EARS2: variants seen among roughly 807,000 people sequenced by gnomAD.
The protein encoded by EARS2 is glutamyl-tRNA synthetase 2, mitochondrial.
Under a neutral mutation model 54.1 loss-of-function variants are expected in EARS2, and 50 were observed. The observed-to-expected ratio is 0.92, with a 90% confidence interval of 0.74 to 1.17. The LOEUF (loss-of-function observed/expected upper bound fraction) is 1.17, where lower values mean the gene tolerates loss of function less well. Among genes scored for constraint, EARS2 ranks in the 50% most tolerant of loss-of-function variants. EARS2 has a pLI of 0.00. For synonymous variants in EARS2, 298 were observed against 281.0 expected (o/e 1.06, Z -0.61); for missense variants, 673 against 675.0 (o/e 1.00, Z 0.03).
chr16:23,557,064 C>T, intron 1 of EARS2, 141 bp downstream of exon 1: 1 of 1,301,992 alleles, frequency 7.7e-7, no homozygotes, highest in Non-Finnish European at 1.0e-6. Flanking sequence ...GTTTCCGCCT[C>T]TGTAAAATGG....
At chr16:23,540,987 T>A (rs2142179577) in intron 3 of EARS2, among the ~76,000 whole-genome samples, 1 of 151,130 alleles carries the variant, frequency 6.6e-6, no homozygotes, top group Admixed American at 6.6e-5. Flanking sequence ...CAAGACTCCG[T>A]CTCCAAAAAA....
rs1485709946 is a variant in EARS2, at chr16:23,524,305, C to G, written c.*66G>C. ...GACGGGCCCCAGGCCTCCTTCTGGT[C>G]TCTGAAAGCTGTTTCTAAGCTCACA... On this transcript the variant is annotated 3_prime_UTR_variant, in exon 9 of 9. Transcript: ENST00000449606. 1.3e-5 allele frequency: 18 copies of G among 1,437,540 alleles called. No individual in the cohort carries two copies. In the Admixed American group the frequency reaches 3.0e-4, roughly 24 times the overall value. The allele number at this position is 1,437,540 out of a possible 1,614,324, so 89.0% of individuals were successfully genotyped here.
Position 23,556,997 on chromosome 16 carries a change from G to A in EARS2, c.139+208C>T, listed in dbSNP as rs1403210973. On this transcript the variant is annotated intron_variant, in intron 1 of 8. Coordinates refer to ENST00000449606, the MANE Select transcript of EARS2 (RefSeq NM_001083614.2). ...AAAAAAGATCGAAAGAGATGGGATGGCACAAAAAACACAAGAAACTCCTGG... is the reference window on the plus strand; with the variant it reads ...AAAAAAGATCGAAAGAGATGGGATGACACAAAAAACACAAGAAACTCCTGG... 68 of 773,716 alleles carry A rather than the reference G, an allele frequency of 8.8e-5. 1 individual carries two copies. Among genetic ancestry groups the A allele is most frequent in the Non-Finnish European group, 8.7e-5 (40 of 460,886 alleles). 47.9% of individuals were successfully genotyped at this position (773,716 alleles called of 1,614,324 possible). A position where few individuals can be genotyped will look rare whatever the true frequency, so the allele number is the denominator to read the frequency against.
chr16:23,522,270 T>C lies in EARS2; in HGVS notation c.*2101A>G, dbSNP rs1370144499. On this transcript the variant is annotated 3_prime_UTR_variant, in exon 9 of 9. Transcript: ENST00000449606. ...AAACTACCTATTACTGGCCAAGGAA[T>C]GGTAGCAGGACCTCAGATAGCCCAA... 6.1e-6 allele frequency: 1 copy of C among 164,144 alleles called. No homozygotes were observed. The highest frequency in any genetic ancestry group is 1.3e-5 in the Non-Finnish European group (1 of 74,448). The allele number at this position is 164,144 out of a possible 1,614,324, so 10.2% of individuals were successfully genotyped here.
At chr16:23,524,745 C>G (rs1965196536) in intron 8 of EARS2, among the ~76,000 whole-genome samples, 1 of 150,844 alleles carries the variant, frequency 6.6e-6, no homozygotes, top group South Asian at 2.1e-4. Flanking sequence ...CTCCCAGGTT[C>G]AGGCAATTCT....
Position 23,524,428 on chromosome 16 carries a change from C to A in EARS2, c.1515G>T (p.Met505Ile). Reference sequence around the variant, plus strand: ...GTACTTCCTTTGGTCCCAAGGCCAACATCATCTCAGCTACAGGAGGTCCTT... The same window carrying A: ...GTACTTCCTTTGGTCCCAAGGCCAAAATCATCTCAGCTACAGGAGGTCCTT... ...QQQGPPVAEM[M>I]LALGPKEVRE... Residue 505 changes from methionine (M) to isoleucine (I), a missense_variant, in exon 9 of 9, where the codon ATG (methionine) becomes ATT (isoleucine). Met to Ile is a conservative substitution (Grantham distance 10). Coordinates refer to ENST00000449606, the MANE Select transcript of EARS2 (RefSeq NM_001083614.2). 6.2e-7 allele frequency: 1 copy of A among 1,614,178 alleles called. No homozygotes were observed. Among genetic ancestry groups the A allele is most frequent in the Non-Finnish European group, 8.5e-7 (1 of 1,180,032 alleles).
chr16:23,557,074 G>C (rs931752500), intron 1 of EARS2, 131 bp downstream of exon 1: 3 of 1,351,324 alleles, frequency 2.2e-6, no homozygotes, highest in Non-Finnish European at 2.0e-6. Flanking sequence ...CTGTAAAATG[G>C]GCTCGCGCTG....
In EARS2 at chr16:23,557,236, C is replaced by G. The variant is rs903254158; in HGVS notation, c.108G>C (p.Ala36=). Residue 36 remains alanine, a synonymous_variant, in exon 1 of 9, where the codon GCG becomes GCC. Coordinates refer to ENST00000449606, the MANE Select transcript of EARS2 (RefSeq NM_001083614.2). ...EANLGTDAGV[A]VRVRFAPSPT... ...GGCTGGGAGCGAACCGCACTCGCAC[C>G]GCAACCCCGGCATCAGTGCCCAGGT... 1.3e-6 allele frequency: 2 copies of G among 1,519,874 alleles called. No homozygotes were observed. The highest frequency in any genetic ancestry group is 2.8e-5 in the African/African-American group (2 of 72,198). 94.1% of individuals were successfully genotyped at this position (1,519,874 alleles called of 1,614,324 possible). A position where few individuals can be genotyped will look rare whatever the true frequency, so the allele number is the denominator to read the frequency against.
intron 7 of EARS2, among the ~76,000 whole-genome samples, chr16:23,525,915 T>C (rs952941072): frequency 2.6e-5 from 4 of 151,014 alleles, no homozygotes; most frequent in African/African-American, 9.7e-5. Flanking sequence ...GAAGAATTGC[T>C]TGAACCTGGG....
At position 23,534,953 on chromosome 16, in the gene EARS2, G is replaced by A. The variant is rs201958550; in HGVS notation, c.893C>T (p.Ala298Val). 7.5e-6 allele frequency: 12 copies of A among 1,609,960 alleles called. No individual in the cohort carries two copies. In the East Asian group the frequency reaches 2.7e-4, roughly 36 times the overall value. ...RQGDVFLEHF[A>V]ADGFLPDSLL... ...GGAATCGGGCAGGAAGCCATCAGCA[G>A]CAAAGTGCTCCAGGAAAACGTCCCC... The change falls in exon 4 of 9, where the codon GCT becomes GTT. Residue 298 changes from alanine to valine, a missense_variant. Transcript: ENST00000449606.
chr16:23,557,319 G>A lies in EARS2; in HGVS notation c.25C>T (p.Leu9=), dbSNP rs771569694. MAALLRRL[L]QRERPSAASG... Reference sequence around the variant, plus strand: ...GCCGCCGAAGGCCTCTCGCGCTGCAGCAGTCTCCTCAGGAGCGCCGCCATG... The same window carrying A: ...GCCGCCGAAGGCCTCTCGCGCTGCAACAGTCTCCTCAGGAGCGCCGCCATG... Residue 9 remains leucine, a synonymous_variant, in exon 1 of 9, where the codon CTG becomes TTG. Transcript: ENST00000449606. 1.3e-6 allele frequency: 2 copies of A among 1,539,360 alleles called. No individual in the cohort carries two copies. The highest frequency in any genetic ancestry group is 2.4e-5 in the South Asian group (2 of 84,802).
chr16:23,548,233 CAATAAATAAATAAATAAATAAATA>C (rs10687580), intron 2 of EARS2, among the ~76,000 whole-genome samples: 1 of 135,350 alleles, frequency 7.4e-6, no homozygotes, highest in African/African-American at 2.7e-5. Flanking sequence ...GACTCCATCT[CAATAAATAAATAAATAAATAAATA>C]AATAAATAAA....
intron 2 of EARS2, among the ~76,000 whole-genome samples, chr16:23,549,901 TC>T (rs942137669): frequency 1.3e-5 from 2 of 152,098 alleles, no homozygotes; most frequent in Admixed American, 6.6e-5. Flanking sequence ...TGAACATTCT[TC>T]CCCCAGGTCA....
intron 3 of EARS2, among the ~76,000 whole-genome samples, chr16:23,543,522 T>C (rs1413594902): frequency 2.0e-5 from 3 of 151,278 alleles, no homozygotes; most frequent in African/African-American, 7.3e-5. Context: ...CTGAGAAAGG[T>C]GGATCACCTG....
intron 5 of EARS2, among the ~76,000 whole-genome samples, chr16:23,531,079 AG>A (rs1965319735): frequency 4.5e-5 from 6 of 132,888 alleles, no homozygotes; most frequent in Non-Finnish European, 9.6e-5. Flanking sequence ...TTCTATTTTT[AG>A]TAGAAATGTG....
chr16:23,541,541 A>G (rs1015529846), intron 3 of EARS2, among the ~76,000 whole-genome samples: 1 of 152,170 alleles, frequency 6.6e-6, no homozygotes, highest in Non-Finnish European at 1.5e-5. Flanking sequence ...GTGAATAAGG[A>G]AAAAGAGAAA....
At chr16:23,546,741 T>C (rs150905172) in intron 2 of EARS2, among the ~76,000 whole-genome samples, 1 of 152,206 alleles carries the variant, frequency 6.6e-6, no homozygotes, top group African/African-American at 2.4e-5. Flanking sequence ...AAGTTTTCTA[T>C]AGAGACAAGG....
intron 3 of EARS2, among the ~76,000 whole-genome samples, chr16:23,538,774 T>G (rs1965465619): frequency 6.6e-6 from 1 of 152,016 alleles, no homozygotes; most frequent in Admixed American, 6.6e-5. Flanking sequence ...GAAGCAGGAT[T>G]GCTTGAGCCC....
chr16:23,530,228 C>T lies in EARS2; in HGVS notation c.1068-331G>A, dbSNP rs1407394943. Among the ~76,000 whole-genome samples the T allele has an allele frequency of 5.3e-5, 8 of 152,056 alleles. No homozygotes were observed. In the East Asian group the frequency reaches 5.8e-4, roughly 11 times the overall value. ...ACAGCCTAGACCTCCTAGGCTCAAG[C>T]GATCCTCCCATCTCACCCTCCCAAG... On this transcript the variant is annotated intron_variant, in intron 5 of 8. Coordinates refer to ENST00000449606, the MANE Select transcript of EARS2 (RefSeq NM_001083614.2).
Sources: allele counts gnomAD v4.1 joint callset (sites outside exome capture counted in the v4.1 genomes callset), GRCh38; gene constraint gnomAD v4.1.1; transcripts MANE v1.5; gene names NCBI Gene and HGNC (gene_info 2026-07-23, HGNC 2026-07-21).